TMPRSS2: variants seen among roughly 807,000 people sequenced by gnomAD.
The protein encoded by TMPRSS2 is transmembrane protease serine 2.
In TMPRSS2, 59 loss-of-function variants were observed where a neutral mutation model predicts 67.4. That is an observed-to-expected ratio of 0.88 (90% confidence interval 0.71 to 1.09). The LOEUF is 1.09. Ranked by LOEUF, TMPRSS2 falls within the 50% of genes least tolerant of loss-of-function variation. The pLI is 0.00. For synonymous variants in TMPRSS2, 257 were observed against 257.0 expected, an observed-to-expected ratio of 1.00 and a Z score of 0.00; for missense variants, 668 against 642.7, an observed-to-expected ratio of 1.04 and a Z score of -0.43.
In TMPRSS2 at chr21:41,468,490, G is replaced by T; in HGVS notation, c.1220C>A (p.Thr407Lys). 1 of 1,614,188 alleles carries T rather than the reference G, an allele frequency of 6.2e-7. No homozygotes were observed. The highest frequency in any genetic ancestry group is 1.1e-5 in the South Asian group (1 of 91,086). ...LNAAKVLLIE[T>K]QRCNSRYVYD... ...GACATATCTGCTGTTGCATCTCTGT[G>T]TCTCAATGAGAAGCACCTTGGCAGC... The change falls in exon 12 of 14, where the codon ACA (threonine) becomes AAA (lysine). Residue 407 changes from threonine to lysine, a missense_variant. Coordinates refer to ENST00000332149, the MANE Select transcript of TMPRSS2 (RefSeq NM_005656.4).
chr21:41,500,655 T>G (rs2091418141), intron 1 of TMPRSS2, among the ~76,000 whole-genome samples: 1 of 152,238 alleles, frequency 6.6e-6, no homozygotes, highest in Non-Finnish European at 1.5e-5. Flanking sequence ...CCAGGTCATG[T>G]TGTAGCTTTG....
intron 2 of TMPRSS2, among the ~76,000 whole-genome samples, chr21:41,495,809 G>A (rs1180320170): frequency 2.0e-5 from 3 of 151,656 alleles, no homozygotes; most frequent in South Asian, 2.1e-4. Context: ...ACTCAAACTC[G>A]AGAACCACAC....
Position 41,489,612 on chromosome 21 carries a change from T to C in TMPRSS2, c.239-19A>G. ...TTAGTCTCTGGAAGAAGGAGGAGAG[T>C]GCAACGTTCAGACCAGAGTTGTTTA... On this transcript the variant is annotated intron_variant, in intron 3 of 13. Coordinates refer to ENST00000332149, the MANE Select transcript of TMPRSS2 (RefSeq NM_005656.4). 1 of 1,590,146 alleles carries C rather than the reference T, an allele frequency of 6.3e-7. No individual in the cohort carries two copies. Among genetic ancestry groups the C allele is most frequent in the Non-Finnish European group, 8.6e-7 (1 of 1,158,724 alleles).
Position 41,485,652 on chromosome 21 carries a change from G to GAA in TMPRSS2, c.445+2740_445+2741dup, listed in dbSNP as rs35871560. ...CAACAGAGTGAAACCCTGTCTCCAG[G>GAA]AAAAAAAAAAAAAAAATAGAAAGAA... On this transcript the variant is annotated intron_variant, in intron 5 of 13. Transcript: ENST00000332149. 3.1e-5 allele frequency among the ~76,000 whole-genome samples: 4 copies of GAA among 131,126 alleles called. No individual in the cohort carries two copies. In the East Asian group the frequency reaches 7.1e-4, roughly 23 times the overall value. The allele number at this position is 131,126 out of a possible 152,430, so 86.0% of individuals were successfully genotyped here.
At chr21:41,470,347 C>T (rs1307229810) in intron 11 of TMPRSS2, among the ~76,000 whole-genome samples, 1 of 152,210 alleles carries the variant, frequency 6.6e-6, no homozygotes, top group Admixed American at 6.5e-5. Context: ...CAGCTCTAAA[C>T]TCACAATGAG....
chr21:41,483,461 T>C (rs370901407), intron 5 of TMPRSS2, among the ~76,000 whole-genome samples: 3 of 152,126 alleles, frequency 2.0e-5, no homozygotes, highest in East Asian at 3.9e-4. Flanking sequence ...TTTGTATTTT[T>C]AGTAGAGACG....
intron 3 of TMPRSS2, among the ~76,000 whole-genome samples, chr21:41,493,835 G>A (rs1049064545): frequency 2.0e-5 from 3 of 152,186 alleles, no homozygotes; most frequent in African/African-American, 4.8e-5. Context: ...GGCCTGCTCC[G>A]GCCACCCGCA....
At chr21:41,477,407 C>T (rs1436243395) in intron 7 of TMPRSS2, among the ~76,000 whole-genome samples, 7 of 152,150 alleles carry the variant, frequency 4.6e-5, no homozygotes, top group East Asian at 1.9e-4. Flanking sequence ...CTAACTTGAG[C>T]GACGGACGTT....
At chr21:41,469,106 C>T (rs973748152) in intron 11 of TMPRSS2, among the ~76,000 whole-genome samples, 3 of 152,124 alleles carry the variant, frequency 2.0e-5, no homozygotes, top group South Asian at 2.1e-4. Flanking sequence ...CAGAACCCTC[C>T]GTCACACCTT....
At chr21:41,472,032 C>CGA (rs1569010809) in intron 9 of TMPRSS2, 51 bp from the exon 10 acceptor site, 3 of 1,500,008 alleles carry the variant, frequency 2.0e-6, no homozygotes, top group Non-Finnish European at 2.7e-6. Context: ...ACAGAGCTCT[C>CGA]AGTGGATGAA....
intron 10 of TMPRSS2, 63 bp from the exon 11 acceptor site, chr21:41,470,806 TC>T: frequency 1.2e-6 from 1 of 802,254 alleles, no homozygotes; most frequent in Non-Finnish European, 1.8e-6. Flanking sequence ...CACCTGGCCT[TC>T]CCACATGCAG....
chr21:41,476,470 C>A lies in TMPRSS2; in HGVS notation c.727+107G>T, dbSNP rs375023693. ...GCTGGGCACATTCCAACCCGTGACCCCACCTTCTTCCCTCCCACGCCCCCA... is the reference window on the plus strand; with the variant it reads ...GCTGGGCACATTCCAACCCGTGACCACACCTTCTTCCCTCCCACGCCCCCA... On this transcript the variant is annotated intron_variant, in intron 8 of 13. Transcript: ENST00000332149. The A allele has an allele frequency of 3.4e-5, 40 of 1,164,060 alleles. No homozygotes were observed. The East Asian group carries it at 8.3e-4, about 24-fold the overall frequency. 72.1% of individuals were successfully genotyped at this position (1,164,060 alleles called of 1,614,324 possible). A position where few individuals can be genotyped will look rare whatever the true frequency, so the allele number is the denominator to read the frequency against.
intron 1 of TMPRSS2, among the ~76,000 whole-genome samples, chr21:41,498,537 A>AG (rs1477703852): frequency 6.6e-6 from 1 of 152,210 alleles, no homozygotes; most frequent in Non-Finnish European, 1.5e-5. Context: ...AAGGGCTCTC[A>AG]GGGGACTGCC....
In TMPRSS2 at chr21:41,468,381, A is replaced by C. The variant is rs1234059258; in HGVS notation, c.1314+15T>G. 1 of 1,613,860 alleles carries C rather than the reference A, an allele frequency of 6.2e-7. No homozygotes were observed. The highest frequency in any genetic ancestry group is 1.3e-5 in the African/African-American group (1 of 74,910). ...TCTGGTAAGGACCAAAGGTAGAATA[A>C]AAATGTTGAATTACCTGGCAAGAAT... On this transcript the variant is annotated intron_variant, in intron 12 of 13. Transcript: ENST00000332149.
intron 1 of TMPRSS2, among the ~76,000 whole-genome samples, chr21:41,500,466 C>G (rs768258332): frequency 3.3e-5 from 5 of 152,228 alleles, no homozygotes; most frequent in Admixed American, 6.5e-5. Flanking sequence ...TACACCATCG[C>G]TTTCCTGTGT....
intron 11 of TMPRSS2, 76 bp from the exon 12 acceptor site, chr21:41,468,614 G>A (rs2091104539): frequency 1.3e-6 from 2 of 1,543,962 alleles, no homozygotes; most frequent in African/African-American, 1.4e-5. Context: ...CCCTCCCTGA[G>A]ACCTCCACAC....
At chr21:41,492,390 G>A (rs370713580) in intron 3 of TMPRSS2, among the ~76,000 whole-genome samples, 17 of 152,170 alleles carry the variant, frequency 1.1e-4, no homozygotes, top group African/African-American at 3.6e-4. Flanking sequence ...CTGTGTGTTC[G>A]CTCCTACTCA....
intron 5 of TMPRSS2, among the ~76,000 whole-genome samples, chr21:41,482,910 C>T (rs2146456503): frequency 6.6e-6 from 1 of 152,312 alleles, no homozygotes; most frequent in Admixed American, 6.5e-5. Context: ...AAGACCAAAA[C>T]TTCGGAGGCA....
At chr21:41,502,586 G>A (rs536147878) in intron 1 of TMPRSS2, 102 of 985,266 alleles carry the variant, frequency 1.0e-4, no homozygotes, top group South Asian at 8.5e-4. Flanking sequence ...CAAAATAACC[G>A]CACTAATATC....
Sources: allele counts gnomAD v4.1 joint callset (sites outside exome capture counted in the v4.1 genomes callset), GRCh38; gene constraint gnomAD v4.1.1; transcripts MANE v1.5; gene names NCBI Gene and HGNC (gene_info 2026-07-23, HGNC 2026-07-21).